The following RP1 variants were observed in gnomAD, a reference collection of about 807,000 sequenced individuals.
RP1 encodes the protein RP1 axonemal microtubule associated, also known as oxygen-regulated protein 1.
In RP1, 16 loss-of-function variants were observed where a neutral mutation model predicts 14.8. That is an observed-to-expected ratio of 1.08 (90% CI 0.73 to 1.65). The LOEUF (loss-of-function observed/expected upper bound fraction) is 1.65. Among genes scored for constraint, RP1 ranks in the 40% most tolerant of loss-of-function variants. The pLI is 0.00. For missense variants in RP1, 2,631 were observed against 2,535.0 expected, an observed-to-expected ratio of 1.04 and a Z score of -0.81; for synonymous variants, 876 against 883.6, an observed-to-expected ratio of 0.99 and a Z score of 0.15.
intron 12 of RP1, among the ~76,000 whole-genome samples, chr8:54,688,325 C>T (rs1024635960): frequency 3.3e-5 from 5 of 152,096 alleles, no homozygotes; most frequent in Non-Finnish European, 5.9e-5. Flanking sequence ...AATTACATCC[C>T]ATTTGTCTAT....
At position 54,627,727 on chromosome 8, in the gene RP1, C is replaced by T. The variant is rs906751765; in HGVS notation, c.3845C>T (p.Pro1282Leu). The change falls in exon 4 of 4, where the codon CCT becomes CTT. Residue 1282 changes from proline (P) to leucine (L), a missense_variant. Physicochemically the swap from Pro to Leu is moderately conservative, Grantham distance 98. Coordinates refer to ENST00000220676, the MANE Select transcript of RP1 (RefSeq NM_006269.2). ...TGTAACCCCAGTGACACTTTTTTTCCTAGTGATGGTTATGGTGTGGATCAG... is the reference window on the plus strand; with the variant it reads ...TGTAACCCCAGTGACACTTTTTTTCTTAGTGATGGTTATGGTGTGGATCAG... Reference protein sequence around the residue: ...ETCNPSDTFFPSDGYGVDQTS... With the variant: ...ETCNPSDTFFLSDGYGVDQTS... 1 of 1,614,024 alleles carries T rather than the reference C, an allele frequency of 6.2e-7. No homozygotes were observed. The highest frequency in any genetic ancestry group is 8.5e-7 in the Non-Finnish European group (1 of 1,179,940).
rs542585382 is a variant in RP1, at chr8:54,759,789, A to C, written c.3248+713A>C. Among the ~76,000 whole-genome samples, 3 of 152,320 alleles carry C rather than the reference A, an allele frequency of 2.0e-5. No individual in the cohort carries two copies. In the East Asian group the frequency reaches 5.8e-4, roughly 29 times the overall value. On this transcript the variant is annotated intron_variant, in intron 22 of 22. Transcript: ENST00000636932. ...CATGTTTATTGTTGCTTGGTCTCTC[A>C]GTCACAGGGAATAGGCTGAGCCCTG...
intron 1 of RP1, chr8:54,560,931 G>A (rs207469186): frequency 6.6e-6 from 1 of 152,362 alleles, no homozygotes; most frequent in African/African-American, 2.4e-5. Flanking sequence ...GTGCAGGCAG[G>A]GGGCATGTTC....
chr8:54,828,340 T>G (rs7008518), intron 24 of RP1, among the ~76,000 whole-genome samples: 46,410 of 151,990 alleles, frequency 0.31, 7,297 homozygotes, highest in South Asian at 0.37. Flanking sequence ...CTTTGGGTCA[T>G]CAAAGTGGAT....
At chr8:54,647,898 G>T (rs1037737509) in intron 3 of RP1, among the ~76,000 whole-genome samples, 1 of 152,000 alleles carries the variant, frequency 6.6e-6, no homozygotes, top group Non-Finnish European at 1.5e-5. Flanking sequence ...ACATGGTTTG[G>T]CTCTGTGTCC....
intron 12 of RP1, chr8:54,696,353 G>A: frequency 1.9e-6 from 1 of 534,700 alleles, no homozygotes. Flanking sequence ...AGAAATGAAG[G>A]ATTGGTTCAT....
intron 24 of RP1, among the ~76,000 whole-genome samples, chr8:54,812,805 CT>C (rs373220868): frequency 5.5e-4 from 77 of 139,728 alleles, no homozygotes; most frequent in African/African-American, 1.6e-3. Context: ...ATCTATCTAT[CT>C]ATCTCTCCGT....
chr8:54,659,127 C>T (rs769099551), intron 6 of RP1, among the ~76,000 whole-genome samples: 1 of 152,010 alleles, frequency 6.6e-6, no homozygotes, highest in East Asian at 1.9e-4. Flanking sequence ...GGATATTAGC[C>T]TCATCAGATA....
intron 1 of RP1, among the ~76,000 whole-genome samples, chr8:54,607,815 G>T (rs1805493662): frequency 6.6e-6 from 1 of 152,194 alleles, no homozygotes; most frequent in African/African-American, 2.4e-5. Context: ...CAATGAGCGA[G>T]GCTCTGTGGG....
intron 19 of RP1, among the ~76,000 whole-genome samples, chr8:54,742,084 A>G (rs141025035): frequency 1.4e-4 from 22 of 152,184 alleles, no homozygotes; most frequent in African/African-American, 5.1e-4. Context: ...CTTAAGCACT[A>G]TCATTGGGCC....
At chr8:54,741,707 G>GTGTATATATATATA (rs1554528860) in intron 19 of RP1, among the ~76,000 whole-genome samples, 2 of 58,034 alleles carry the variant, frequency 3.4e-5, no homozygotes, top group African/African-American at 7.4e-5. Flanking sequence ...AAATGTGTGT[G>GTGTATATATATATA]TATATATATA....
At chr8:54,591,418 C>G (rs1052780813) in intron 1 of RP1, among the ~76,000 whole-genome samples, 1 of 152,028 alleles carries the variant, frequency 6.6e-6, no homozygotes, top group Non-Finnish European at 1.5e-5. Context: ...TACATTTCTT[C>G]TGTATCTTTG....
chr8:54,748,056 A>G (rs1215952316), intron 19 of RP1, among the ~76,000 whole-genome samples: 1 of 152,198 alleles, frequency 6.6e-6, no homozygotes, highest in Non-Finnish European at 1.5e-5. Flanking sequence ...AGTGGGTCAT[A>G]GGTTTTGGTG....
At chr8:54,749,659 G>T (rs1245397888) in intron 19 of RP1, among the ~76,000 whole-genome samples, 1 of 152,086 alleles carries the variant, frequency 6.6e-6, no homozygotes, top group Non-Finnish European at 1.5e-5. Context: ...GTTTAGAGAG[G>T]AATGGCCTCC....
chr8:54,589,149 T>A (rs1054729129), intron 1 of RP1, among the ~76,000 whole-genome samples: 1 of 152,166 alleles, frequency 6.6e-6, no homozygotes, highest in African/African-American at 2.4e-5. Flanking sequence ...AATCGTTGAC[T>A]TCCTCTCTCC....
At position 54,629,946 on chromosome 8, in the gene RP1, A is replaced by G. The variant is rs184596875; in HGVS notation, c.6064A>G (p.Lys2022Glu). ...FLGLEEEGNL[K>E]KFQPDLKERF... Reference sequence around the variant, plus strand: ...GGGGTTAGAGGAAGAAGGTAATTTAAAGAAATTTCAACCAGATTTGAAGGA... The same window carrying G: ...GGGGTTAGAGGAAGAAGGTAATTTAGAGAAATTTCAACCAGATTTGAAGGA... Residue 2022 changes from lysine to glutamate, a missense_variant, in exon 4 of 4, where the codon AAG becomes GAG. Transcript: ENST00000220676. 2.6e-5 allele frequency: 42 copies of G among 1,613,900 alleles called. No homozygotes were observed. The highest frequency in any genetic ancestry group is 3.2e-5 in the Non-Finnish European group (38 of 1,179,978).
chr8:54,823,994 C>G (rs1811322779), intron 24 of RP1, among the ~76,000 whole-genome samples: 1 of 152,116 alleles, frequency 6.6e-6, no homozygotes, highest in Admixed American at 6.5e-5. Flanking sequence ...TAAAGTTGTG[C>G]AGTGATATCT....
intron 8 of RP1, among the ~76,000 whole-genome samples, chr8:54,675,012 A>G (rs1234298485): frequency 1.3e-5 from 2 of 152,184 alleles, no homozygotes; most frequent in Admixed American, 6.5e-5. Flanking sequence ...TTGAAAGGAC[A>G]TGTGTCATCT....
At chr8:54,722,941 A>C (rs545103165) in intron 16 of RP1, among the ~76,000 whole-genome samples, 1 of 152,292 alleles carries the variant, frequency 6.6e-6, no homozygotes, top group South Asian at 2.1e-4. Context: ...CTCAGCCTAC[A>C]ACGAGGGCAG....
Sources: gnomAD v4.1 joint callset for allele counts (sites outside exome capture counted in the v4.1 genomes callset) on GRCh38, gnomAD v4.1.1 for gene constraint, MANE v1.5 for transcripts, NCBI Gene and HGNC (gene_info 2026-07-23, HGNC 2026-07-21) for gene names.